EYA4: variants seen among roughly 807,000 people sequenced by gnomAD.
EYA4 encodes protein phosphatase EYA4.
Under a neutral mutation model 87.9 loss-of-function variants are expected in EYA4, and 31 were observed. The observed-to-expected ratio is 0.35, with a 90% CI of 0.27 to 0.48. The LOEUF is 0.48. Ranked by LOEUF, EYA4 falls within the 20% of genes least tolerant of loss-of-function variation. EYA4 has a pLI of 0.99. For synonymous variants in EYA4, 263 were observed against 270.6 expected, an observed-to-expected ratio of 0.97 and a Z score of 0.28; for missense variants, 678 against 761.4, an observed-to-expected ratio of 0.89 and a Z score of 1.29.
chr6:133,463,354 C>CTTTTTT (rs571663764), intron 9 of EYA4, among the ~76,000 whole-genome samples: 1 of 115,246 alleles, frequency 8.7e-6, no homozygotes, highest in Non-Finnish European at 1.8e-5. Context: ...TGTGTTTTAT[C>CTTTTTT]TTTTTTTTTT....
chr6:133,470,882 GCTCT>G (rs1182508537), intron 11 of EYA4, among the ~76,000 whole-genome samples: 1 of 91,046 alleles, frequency 1.1e-5, no homozygotes, highest in Non-Finnish European at 2.2e-5. Flanking sequence ...CCATGATTTG[GCTCT>G]CTGTCTGTCT....
intron 16 of EYA4, 51 bp downstream of exon 16, chr6:133,513,089 T>C (rs771758432): frequency 7.2e-6 from 11 of 1,520,492 alleles, no homozygotes; most frequent in Non-Finnish European, 2.7e-6. Context: ...ATAGGTAGAA[T>C]TCAATCTGTA....
At chr6:133,410,607 T>C (rs1789128359) in intron 3 of EYA4, among the ~76,000 whole-genome samples, 1 of 82,422 alleles carries the variant, frequency 1.2e-5, no homozygotes, top group Admixed American at 1.1e-4. Flanking sequence ...AAAAAACTTC[T>C]GTATTTTTCC....
Position 133,479,344 on chromosome 6 carries a change from TG to T in EYA4, c.971-2118del, listed in dbSNP as rs1298643798. On this transcript the variant is annotated intron_variant, in intron 11 of 19. Coordinates refer to ENST00000355286, the MANE Select transcript of EYA4 (RefSeq NM_004100.5). The stretch of plus-strand genomic sequence containing the variant: ...ACTCTGCTATCTACTCTCACCGAGG[TG>T]ATAACATAGACCCATGAAATGAACT... Among the ~76,000 whole-genome samples the T allele has an allele frequency of 2.6e-5, 4 of 152,246 alleles. 1 individual carries two copies. The highest frequency in any genetic ancestry group is 9.6e-5 in the African/African-American group (4 of 41,576).
intron 16 of EYA4, among the ~76,000 whole-genome samples, chr6:133,514,355 A>AT (rs1799415974): frequency 6.6e-6 from 1 of 152,206 alleles, no homozygotes; most frequent in East Asian, 1.9e-4. Flanking sequence ...ATCTGAGTTA[A>AT]TTTTTATCAT....
intron 3 of EYA4, 110 bp from the exon 4 acceptor site, chr6:133,446,520 G>T: frequency 8.0e-7 from 1 of 1,247,230 alleles, no homozygotes. Context: ...CTTAGATACT[G>T]GTTTTAATTA....
Position 133,468,740 on chromosome 6 carries a change from C to A in EYA4, c.970+9C>A, listed in dbSNP as rs756408633. 1.2e-6 allele frequency: 2 copies of A among 1,612,468 alleles called. No individual in the cohort carries two copies. The highest frequency in any genetic ancestry group is 1.7e-6 in the Non-Finnish European group (2 of 1,178,762). ...ACTGACTAACCAACCAGGTACAGAT[C>A]TTCACCCAGGTGAAATACTTTTATA... On this transcript the variant is annotated intron_variant, in intron 11 of 19. Transcript: ENST00000355286.
chr6:133,473,651 T>C (rs1190377982), intron 11 of EYA4, among the ~76,000 whole-genome samples: 1 of 151,952 alleles, frequency 6.6e-6, no homozygotes, highest in African/African-American at 2.4e-5. Context: ...TTTTTCCCCT[T>C]ATCTTCCTTT....
chr6:133,410,664 G>A (rs749045638), intron 3 of EYA4, among the ~76,000 whole-genome samples: 4 of 113,990 alleles, frequency 3.5e-5, no homozygotes, highest in African/African-American at 5.2e-5. Context: ...TGTTTTCCCC[G>A]TTTGCATTGA....
At chr6:133,326,212 G>A (rs1316683541) in intron 2 of EYA4, among the ~76,000 whole-genome samples, 13 of 152,164 alleles carry the variant, frequency 8.5e-5, no homozygotes, top group Admixed American at 8.5e-4. Context: ...CCATGCTGGG[G>A]GAACTTAGCT....
At position 133,511,318 on chromosome 6, in the gene EYA4, A is replaced by AT. The variant is rs537209230; in HGVS notation, c.1282-1395dup. Among the ~76,000 whole-genome samples, 483 of 152,126 alleles carry AT rather than the reference A, an allele frequency of 3.2e-3. 3 individuals carry two copies. Among genetic ancestry groups the AT allele is most frequent in the Admixed American group, 7.0e-3 (107 of 15,278 alleles). On this transcript the variant is annotated intron_variant, in intron 14 of 19. Transcript: ENST00000355286. The stretch of plus-strand genomic sequence containing the variant: ...GTATGGTGTATTTTCAAATTTAATG[A>AT]TTTTTTTTAAAAATTAATTTTGAAT...
chr6:133,322,778 T>C (rs1781192408), intron 2 of EYA4, among the ~76,000 whole-genome samples: 1 of 152,160 alleles, frequency 6.6e-6, no homozygotes, highest in Admixed American at 6.5e-5. Flanking sequence ...TTTATAGTGT[T>C]TATGTCTTGC....
chr6:133,298,191 G>A (rs1204035569), intron 2 of EYA4, among the ~76,000 whole-genome samples: 2 of 152,152 alleles, frequency 1.3e-5, no homozygotes, highest in Non-Finnish European at 2.9e-5. Flanking sequence ...AGCCCCTGAA[G>A]CCAACTCCTG....
At chr6:133,299,446 C>A (rs1052684579) in intron 2 of EYA4, among the ~76,000 whole-genome samples, 1 of 151,934 alleles carries the variant, frequency 6.6e-6, no homozygotes, top group Non-Finnish European at 1.5e-5. Flanking sequence ...TTAAAATCGG[C>A]TGGGCCTGTG....
chr6:133,475,071 A>G (rs1795608674), intron 11 of EYA4, among the ~76,000 whole-genome samples: 1 of 152,114 alleles, frequency 6.6e-6, no homozygotes, highest in Non-Finnish European at 1.5e-5. Flanking sequence ...TATTGGGTCA[A>G]GAAAAGCCTA....
At chr6:133,287,782 G>T (rs1174034016) in intron 2 of EYA4, among the ~76,000 whole-genome samples, 1 of 152,312 alleles carries the variant, frequency 6.6e-6, no homozygotes, top group Middle Eastern at 3.4e-3. Context: ...GTGGGAAATT[G>T]AGAGTACGAG....
intron 10 of EYA4, among the ~76,000 whole-genome samples, chr6:133,468,164 C>G (rs909053057): frequency 5.9e-5 from 9 of 151,930 alleles, no homozygotes; most frequent in African/African-American, 1.2e-4. Flanking sequence ...AGGGGCAGCC[C>G]CAACTCCTTG....
At chr6:133,419,335 G>A (rs76487397) in intron 3 of EYA4, among the ~76,000 whole-genome samples, 4,084 of 152,212 alleles carry the variant, frequency 0.027, 148 homozygotes, top group East Asian at 0.081. Context: ...CAAGTCAATT[G>A]TGATTTATTA....
chr6:133,288,202 G>A (rs1165034975), intron 2 of EYA4, among the ~76,000 whole-genome samples: 6 of 152,170 alleles, frequency 3.9e-5, no homozygotes, highest in African/African-American at 1.2e-4. Flanking sequence ...TAGACATTAA[G>A]TAAATGAATG....
Sources: allele counts gnomAD v4.1 joint callset (sites outside exome capture counted in the v4.1 genomes callset), GRCh38; gene constraint gnomAD v4.1.1; transcripts MANE v1.5; gene names NCBI Gene and HGNC (gene_info 2026-07-23, HGNC 2026-07-21).